The following CDC42BPA variants were observed in gnomAD, a reference collection of about 807,000 sequenced individuals.
CDC42BPA encodes the protein CDC42 binding protein kinase alpha.
A neutral mutation model predicts 223.5 loss-of-function variants in CDC42BPA; 80 were observed. That is an observed-to-expected ratio of 0.36 (90% CI 0.30 to 0.43). CDC42BPA has a LOEUF of 0.43. CDC42BPA is among the 20% of genes least tolerant of loss of function. The probability of loss-of-function intolerance (pLI) is 1.00; values close to 1 mark genes in which losing one functional copy is unlikely to be tolerated. For synonymous variants in CDC42BPA, 694 were observed against 718.6 expected (o/e 0.97, Z 0.55); for missense variants, 1,743 against 2,099.9 (o/e 0.83, Z 3.32).
intron 21 of CDC42BPA, among the ~76,000 whole-genome samples, chr1:227,054,092 T>C (rs543085658): frequency 6.6e-5 from 10 of 152,276 alleles, no homozygotes; most frequent in Non-Finnish European, 1.2e-4. Flanking sequence ...TGTAAGAAAC[T>C]GAGCCATCTT....
chr1:227,193,663 A>T (rs999069297), intron 5 of CDC42BPA, 123 bp downstream of exon 5: 5 of 759,712 alleles, frequency 6.6e-6, no homozygotes, highest in East Asian at 2.9e-5. Context: ...TCTCAAAATA[A>T]TTTTTTTTGG....
chr1:227,276,412 G>C (rs1687045625), intron 1 of CDC42BPA, among the ~76,000 whole-genome samples: 1 of 151,864 alleles, frequency 6.6e-6, no homozygotes, highest in African/African-American at 2.4e-5. Flanking sequence ...GAAGTGAGGA[G>C]CGTCTCCGCC....
chr1:227,046,961 T>TA (rs961333098), intron 23 of CDC42BPA, among the ~76,000 whole-genome samples: 5 of 152,206 alleles, frequency 3.3e-5, no homozygotes, highest in African/African-American at 1.2e-4. Flanking sequence ...CTTTCCCCTT[T>TA]AAGTGACATA....
intron 15 of CDC42BPA, among the ~76,000 whole-genome samples, chr1:227,099,312 CTGT>C (rs900660728): frequency 3.3e-5 from 5 of 151,964 alleles, no homozygotes; most frequent in African/African-American, 1.2e-4. Context: ...GAAGAAGGCA[CTGT>C]TGTCATAGGA....
At chr1:227,049,861 T>C (rs1673185034) in intron 22 of CDC42BPA, among the ~76,000 whole-genome samples, 1 of 152,102 alleles carries the variant, frequency 6.6e-6, no homozygotes, top group Non-Finnish European at 1.5e-5. Flanking sequence ...ACAATATATA[T>C]CAGTTTGATT....
intron 17 of CDC42BPA, among the ~76,000 whole-genome samples, chr1:227,080,138 T>C (rs1317497230): frequency 6.6e-6 from 1 of 152,096 alleles, no homozygotes; most frequent in Non-Finnish European, 1.5e-5. Flanking sequence ...GATTTTCAGA[T>C]TAGGAATGCT....
intron 10 of CDC42BPA, among the ~76,000 whole-genome samples, chr1:227,137,627 G>A (rs1658845280): frequency 6.7e-6 from 1 of 150,162 alleles, no homozygotes; most frequent in Admixed American, 6.6e-5. Flanking sequence ...ACCAACAACA[G>A]ACTGGGTAAT....
chr1:227,092,043 A>G, intron 15 of CDC42BPA, 52 bp from the exon 16 acceptor site: 1 of 1,006,800 alleles, frequency 9.9e-7, no homozygotes, highest in South Asian at 1.6e-5. Context: ...GGTCATTTGA[A>G]AACTTGAAAT....
chr1:227,022,158 G>A (rs999045692), intron 32 of CDC42BPA, among the ~76,000 whole-genome samples: 1 of 152,194 alleles, frequency 6.6e-6, no homozygotes, highest in East Asian at 1.9e-4. Context: ...CTGGCCAGGC[G>A]TGATGGCTCA....
chr1:227,091,969 C>T lies in CDC42BPA; in HGVS notation c.2272G>A (p.Glu758Lys). ...RESQSEREEF[E>K]SEFKQQYERE... ...TCATATTGTTGTTTGAACTCACTTT[C>T]AAATTCCTCCCTTTCACTTTGACTA... The change falls in exon 16 of 37, where the codon GAA (glutamate) becomes AAA (lysine). Residue 758 changes from glutamate (E) to lysine (K), a missense_variant. By Grantham distance (56) the Glu-to-Lys change is moderately conservative (BLOSUM62 1). This residue lies in a region of CDC42BPA where 464 missense variants were observed against 488.0 expected (regional missense o/e 0.95). Coordinates refer to ENST00000366766, the MANE Select transcript of CDC42BPA (RefSeq NM_001394014.1). 1.9e-6 allele frequency: 3 copies of T among 1,601,776 alleles called. No individual in the cohort carries two copies. Among genetic ancestry groups the T allele is most frequent in the Non-Finnish European group, 2.6e-6 (3 of 1,173,248 alleles).
chr1:227,121,536 T>C lies in CDC42BPA; in HGVS notation c.1514-1599A>G, dbSNP rs771435006. Among the ~76,000 whole-genome samples, 40 of 152,218 alleles carry C rather than the reference T, an allele frequency of 2.6e-4. 1 individual carries two copies. The highest frequency in any genetic ancestry group is 2.0e-4 in the Admixed American group (3 of 15,276). Reference sequence around the variant, plus strand: ...TAATAGCATAGTTAACTTTTGAAGATGTAAAGTTGTATTAACTGGTTTTCA... The same window carrying C: ...TAATAGCATAGTTAACTTTTGAAGACGTAAAGTTGTATTAACTGGTTTTCA... On this transcript the variant is annotated intron_variant, in intron 11 of 36. Coordinates refer to ENST00000366766, the MANE Select transcript of CDC42BPA (RefSeq NM_001394014.1).
chr1:227,200,094 G>A (rs1572311109), intron 3 of CDC42BPA, among the ~76,000 whole-genome samples: 1 of 151,326 alleles, frequency 6.6e-6, no homozygotes, highest in African/African-American at 2.4e-5. Flanking sequence ...TATATGACTT[G>A]ATCACACATG....
At chr1:227,099,208 G>T (rs2492629) in intron 15 of CDC42BPA, among the ~76,000 whole-genome samples, 43,074 of 151,592 alleles carry the variant, frequency 0.28, 6,315 homozygotes, top group African/African-American at 0.35. Context: ...ACTATACTTC[G>T]TATCGTTATC....
intron 32 of CDC42BPA, among the ~76,000 whole-genome samples, chr1:227,018,701 T>G (rs1473531125): frequency 6.6e-6 from 1 of 152,204 alleles, no homozygotes; most frequent in Non-Finnish European, 1.5e-5. Context: ...AGGTTCAATT[T>G]GAGACCACAT....
intron 2 of CDC42BPA, among the ~76,000 whole-genome samples, chr1:227,239,193 T>G (rs1482753274): frequency 6.6e-6 from 1 of 152,174 alleles, no homozygotes; most frequent in Non-Finnish European, 1.5e-5. Flanking sequence ...ACTGTATCAT[T>G]CTAACTATTC....
intron 32 of CDC42BPA, among the ~76,000 whole-genome samples, chr1:227,020,126 C>T (rs1056689236): frequency 2.6e-5 from 4 of 152,134 alleles, no homozygotes; most frequent in Non-Finnish European, 5.9e-5. Context: ...GAACTCCTGA[C>T]CTCAGGTGAT....
intron 10 of CDC42BPA, among the ~76,000 whole-genome samples, chr1:227,138,809 T>A (rs1166979262): frequency 6.6e-6 from 1 of 152,040 alleles, no homozygotes; most frequent in African/African-American, 2.4e-5. Flanking sequence ...GCCAAAGGTA[T>A]TTGACAAAGA....
intron 6 of CDC42BPA, among the ~76,000 whole-genome samples, chr1:227,157,519 A>T (rs1170669718): frequency 2.0e-5 from 3 of 152,116 alleles, no homozygotes; most frequent in Non-Finnish European, 4.4e-5. Context: ...TAAATGTTTT[A>T]ATCTTTAGTT....
At chr1:227,153,553 G>A (rs1572011536) in intron 6 of CDC42BPA, among the ~76,000 whole-genome samples, 1 of 151,834 alleles carries the variant, frequency 6.6e-6, no homozygotes, top group Non-Finnish European at 1.5e-5. Context: ...AGGAAAAGGG[G>A]GGCAAAATGA....
Sources: gnomAD v4.1 joint callset for allele counts (sites outside exome capture counted in the v4.1 genomes callset) on GRCh38, gnomAD v4.1.1 for gene constraint, gnomAD v4.1.1 regional missense constraint, MANE v1.5 for transcripts, NCBI Gene and HGNC (gene_info 2026-07-23, HGNC 2026-07-21) for gene names.